The following UNC79 variants were observed in gnomAD, a reference collection of about 807,000 sequenced individuals.
The protein encoded by UNC79 is unc-79 subunit of NALCN channel complex, also known as protein unc-79 homolog.
In UNC79, 37 loss-of-function variants were observed where a neutral mutation model predicts 283.1. The ratio of observed to expected loss-of-function variants is 0.13; its 90% CI spans 0.10 to 0.17. The LOEUF (loss-of-function observed/expected upper bound fraction) is 0.17, where lower values mean the gene tolerates loss of function less well. Ranked by LOEUF, UNC79 falls within the 10% of genes least tolerant of loss-of-function variation. The pLI is 1.00. For missense variants in UNC79, 2,272 were observed against 3,211.1 expected, an observed-to-expected ratio of 0.71 and a Z score of 7.07; for synonymous variants, 1,107 against 1,200.2, an observed-to-expected ratio of 0.92 and a Z score of 1.61.
chr14:93,459,360 T>G (rs1420429917), intron 1 of UNC79, among the ~76,000 whole-genome samples: 1 of 152,248 alleles, frequency 6.6e-6, no homozygotes, highest in Non-Finnish European at 1.5e-5. Context: ...AGTAAATGTT[T>G]TGTTTTGTAT....
At chr14:93,417,788 A>G (rs545732918) in intron 1 of UNC79, among the ~76,000 whole-genome samples, 32 of 151,890 alleles carry the variant, frequency 2.1e-4, no homozygotes, top group Admixed American at 1.9e-3. Flanking sequence ...TCCATCACTG[A>G]TACCCTTTCT....
intron 14 of UNC79, among the ~76,000 whole-genome samples, chr14:93,562,786 G>A (rs1007596924): frequency 6.6e-6 from 1 of 152,156 alleles, no homozygotes; most frequent in African/African-American, 2.4e-5. Context: ...CTGTGGGAAA[G>A]GCCTCTACCC....
At chr14:93,465,819 G>C (rs891872158) in intron 1 of UNC79, among the ~76,000 whole-genome samples, 3 of 152,122 alleles carry the variant, frequency 2.0e-5, no homozygotes, top group African/African-American at 7.2e-5. Context: ...ACAGAAACTT[G>C]CTGAATATTA....
chr14:93,521,794 A>G (rs976895632), intron 7 of UNC79, among the ~76,000 whole-genome samples: 1 of 147,260 alleles, frequency 6.8e-6, no homozygotes, highest in Admixed American at 6.9e-5. Context: ...ATGGTGATCT[A>G]GTATGACTAT....
At chr14:93,511,833 ATT>A (rs2059841906) in intron 7 of UNC79, among the ~76,000 whole-genome samples, 1 of 152,140 alleles carries the variant, frequency 6.6e-6, no homozygotes, top group South Asian at 2.1e-4. Context: ...TGTATGTATC[ATT>A]GTTTTCTGCT....
At chr14:93,505,675 A>AC (rs1230537719) in intron 7 of UNC79, among the ~76,000 whole-genome samples, 1 of 151,530 alleles carries the variant, frequency 6.6e-6, no homozygotes, top group African/African-American at 2.4e-5. Flanking sequence ...CTTTAAATCC[A>AC]CAATTTTCTA....
Position 93,631,910 on chromosome 14 carries a change from A to T in UNC79, c.5716+1002A>T, listed in dbSNP as rs116732293. ...CCAGGAGTTTGCAGTCATAATAGTA[A>T]TTATAGCTACTATCTATTTAACATC... On this transcript the variant is annotated intron_variant, in intron 31 of 48. Transcript: ENST00000555664. 6.1e-3 allele frequency among the ~76,000 whole-genome samples: 936 copies of T among 152,346 alleles called. 7 individuals carry two copies. Among genetic ancestry groups the T allele is most frequent in the Middle Eastern group, 0.041 (12 of 294 alleles).
intron 1 of UNC79, among the ~76,000 whole-genome samples, chr14:93,334,021 C>T (rs955539358): frequency 1.3e-5 from 2 of 152,218 alleles, no homozygotes; most frequent in African/African-American, 4.8e-5. Context: ...TTTGCATTTT[C>T]AATCTCTACC....
intron 1 of UNC79, among the ~76,000 whole-genome samples, chr14:93,395,986 C>G (rs908522082): frequency 6.6e-6 from 1 of 152,164 alleles, no homozygotes; most frequent in Admixed American, 6.5e-5. Context: ...GTACCTTTCT[C>G]TTGCTCCTCT....
chr14:93,572,770 C>T (rs1438397725), exon 16 of UNC79: 4 of 1,614,150 alleles, frequency 2.5e-6, no homozygotes, highest in Non-Finnish European at 3.4e-6. Context: ...TGTCGGTTTA[C>T]AGGATACCCC....
chr14:93,412,006 A>G (rs913477989), intron 1 of UNC79, among the ~76,000 whole-genome samples: 7 of 152,272 alleles, frequency 4.6e-5, no homozygotes, highest in African/African-American at 1.7e-4. Flanking sequence ...AGATAATTCA[A>G]AATAGCTGTT....
intron 7 of UNC79, among the ~76,000 whole-genome samples, chr14:93,501,720 G>A (rs1291479475): frequency 6.6e-6 from 1 of 152,000 alleles, no homozygotes; most frequent in East Asian, 1.9e-4. Context: ...CAATATGTAA[G>A]GAGGAAAAAC....
In UNC79 at chr14:93,597,352, A is replaced by C. The variant is rs2065151614; in HGVS notation, c.3191-7A>C. 6.2e-7 allele frequency: 1 copy of C among 1,613,698 alleles called. No individual in the cohort carries two copies. Among genetic ancestry groups the C allele is most frequent in the Admixed American group, 1.7e-5 (1 of 59,998 alleles). ...TTACGTATTTTGCCTTCTCTTTTACATTGCAGTGGAAAAAGTTGCTGTAAT... is the reference window on the plus strand; with the variant it reads ...TTACGTATTTTGCCTTCTCTTTTACCTTGCAGTGGAAAAAGTTGCTGTAAT... On this transcript the variant is annotated splice_region_variant and splice_polypyrimidine_tract_variant and intron_variant, in intron 23 of 48. Coordinates refer to ENST00000555664, the Ensembl canonical transcript of UNC79.
chr14:93,648,448 A>G (rs1245949712), intron 35 of UNC79, among the ~76,000 whole-genome samples: 1 of 152,186 alleles, frequency 6.6e-6, no homozygotes, highest in Non-Finnish European at 1.5e-5. Flanking sequence ...AGGCAGCCAC[A>G]TTAAGGATAT....
rs186606287 is a variant in UNC79, at chr14:93,620,442, G to C, written c.4388-1179G>C. 2.4e-3 allele frequency among the ~76,000 whole-genome samples: 364 copies of C among 152,174 alleles called. 3 individuals are homozygous for C. Among genetic ancestry groups the C allele is most frequent in the African/African-American group, 8.4e-3 (350 of 41,522 alleles). On this transcript the variant is annotated intron_variant, in intron 29 of 48. Transcript: ENST00000555664. ...CCAGTTACCAAATCCCATAAAGGCA[G>C]ATTTTTTTTTCTTTTTTGGAAAGCC...
intron 1 of UNC79, among the ~76,000 whole-genome samples, chr14:93,387,410 G>C (rs951134883): frequency 6.6e-6 from 1 of 151,876 alleles, no homozygotes; most frequent in African/African-American, 2.4e-5. Flanking sequence ...TGCTTTTGCT[G>C]TATTTCTTAG....
At chr14:93,658,198 G>A (rs533947803) in intron 38 of UNC79, among the ~76,000 whole-genome samples, 2 of 152,302 alleles carry the variant, frequency 1.3e-5, no homozygotes, top group East Asian at 3.9e-4. Flanking sequence ...TTAATCTCTG[G>A]GGAAAATAAT....
chr14:93,391,275 G>GA (rs146380510), intron 1 of UNC79, among the ~76,000 whole-genome samples: 2,960 of 150,012 alleles, frequency 0.02, 49 homozygotes, highest in South Asian at 0.077. Context: ...GAAAGAAAAG[G>GA]AAAAAAAAAG....
chr14:93,625,760 G>A (rs1343404565), intron 30 of UNC79, among the ~76,000 whole-genome samples: 2 of 152,094 alleles, frequency 1.3e-5, no homozygotes, highest in African/African-American at 4.8e-5. Context: ...ACCCTCTTGG[G>A]CCTTTCCCTT....
Sources: gnomAD v4.1 joint callset for allele counts (sites outside exome capture counted in the v4.1 genomes callset) on GRCh38, gnomAD v4.1.1 for gene constraint, MANE v1.5 for transcripts, NCBI Gene and HGNC (gene_info 2026-07-23, HGNC 2026-07-21) for gene names.